Variants in CETP observed in about 807,000 individuals in gnomAD.
CETP encodes cholesteryl ester transfer protein.
Under a neutral mutation model 66.5 loss-of-function variants are expected in CETP, and 56 were observed. That is an observed-to-expected ratio of 0.84 (90% CI 0.68 to 1.05). The LOEUF is 1.05. CETP is among the 50% of genes least tolerant of loss of function. The pLI is 0.00. For synonymous variants in CETP, 251 were observed against 245.7 expected (o/e 1.02, Z -0.20); for missense variants, 612 against 609.6 (o/e 1.00, Z -0.04).
intron 8 of CETP, 85 bp downstream of exon 8, chr16:56,972,168 G>A (rs1263530182): frequency 3.0e-6 from 3 of 1,002,662 alleles, no homozygotes; most frequent in Non-Finnish European, 4.7e-6. Context: ...CCGTCCCCCA[G>A]CTTCAACCTT....
chr16:56,969,886 C>T (rs775075583), intron 4 of CETP, 28 bp from the exon 5 acceptor site: 2 of 1,610,298 alleles, frequency 1.2e-6, no homozygotes, highest in Non-Finnish European at 1.7e-6. Flanking sequence ...CGGAGGCTGC[C>T]CTGAGGTCAT....
chr16:56,969,396 A>G lies in CETP; in HGVS notation c.244A>G (p.Ser82Gly). The change falls in exon 3 of 16, where the codon AGC becomes GGC. Residue 82 changes from serine (S) to glycine (G), a missense_variant. By Grantham distance (56) the Ser-to-Gly change is moderately conservative. Transcript: ENST00000200676. The part of the protein sequence containing the change: ...VKYGLHNIQI[S>G]HLSIASSQVE... Reference sequence around the variant, plus strand: ...TCCATTCCTTCCCAGCATCCAGATCAGCCACTTGTCCATCGCCAGCAGCCA... The same window carrying G: ...TCCATTCCTTCCCAGCATCCAGATCGGCCACTTGTCCATCGCCAGCAGCCA... 1 of 1,613,994 alleles carries G rather than the reference A, an allele frequency of 6.2e-7. No individual in the cohort carries two copies. The highest frequency in any genetic ancestry group is 8.5e-7 in the Non-Finnish European group (1 of 1,180,026).
chr16:56,975,242 C>A, intron 10 of CETP, 91 bp downstream of exon 10: 2 of 1,057,376 alleles, frequency 1.9e-6, no homozygotes, highest in Non-Finnish European at 3.0e-6. Flanking sequence ...ATAACACCAC[C>A]AATGGCAACA....
rs1323326418 is a variant in CETP, at chr16:56,975,105, T to A, written c.935T>A (p.Val312Glu). Reference protein sequence around the residue: ...LSLMGDEFKAVLETWGFNTNQ... With the variant: ...LSLMGDEFKAELETWGFNTNQ... The stretch of plus-strand genomic sequence containing the variant: ...AACTTCCTCATTTCTTTTCAGGCAG[T>A]GCTGGAGACCTGGGGCTTCAACACC... The change falls in exon 10 of 16, where the codon GTG becomes GAG. Residue 312 changes from valine (V) to glutamate (E), a missense_variant. Coordinates refer to ENST00000200676, the MANE Select transcript of CETP (RefSeq NM_000078.3). 1.9e-6 allele frequency: 3 copies of A among 1,614,130 alleles called. No homozygotes were observed. The highest frequency in any genetic ancestry group is 3.3e-5 in the Admixed American group (2 of 60,022).
At chr16:56,970,970 A>G in intron 5 of CETP, 63 bp from the exon 6 acceptor site, 2 of 1,494,680 alleles carry the variant, frequency 1.3e-6, no homozygotes, top group Non-Finnish European at 1.9e-6. Flanking sequence ...CCTGGTACAC[A>G]CTAGGCGCTC....
chr16:56,973,924 G>A (rs948399955), intron 9 of CETP, among the ~76,000 whole-genome samples: 1 of 152,206 alleles, frequency 6.6e-6, no homozygotes, highest in Non-Finnish European at 1.5e-5. Context: ...GGGGCTGCAT[G>A]CACCGGTAAT....
intron 11 of CETP, among the ~76,000 whole-genome samples, chr16:56,980,510 C>T (rs12708984): frequency 0.019 from 2,856 of 152,266 alleles, 100 homozygotes; most frequent in African/African-American, 0.065. Flanking sequence ...TTTTGTATTA[C>T]TTTCCTTTTC....
chr16:56,978,549 T>C (rs2056166689), intron 11 of CETP, among the ~76,000 whole-genome samples: 2 of 151,850 alleles, frequency 1.3e-5, no homozygotes, highest in Non-Finnish European at 1.5e-5. Flanking sequence ...CTCACACTCA[T>C]AGCTCACTGC....
At chr16:56,968,305 C>G (rs1209931144) in intron 2 of CETP, among the ~76,000 whole-genome samples, 1 of 152,104 alleles carries the variant, frequency 6.6e-6, no homozygotes, top group Admixed American at 6.6e-5. Context: ...CCTGCCTTAG[C>G]CTCCAAACTA....
In CETP at chr16:56,974,288, TAA is replaced by T. The variant is rs545798416; in HGVS notation, c.930+779_930+780del. On this transcript the variant is annotated intron_variant, in intron 9 of 15. Coordinates refer to ENST00000200676, the MANE Select transcript of CETP (RefSeq NM_000078.3). ...ACCCCTGTCTCTACAAAAATAAAAA[TAA>T]GTTTAAAAATCAGCTGTGCACGGCG... 3.0e-3 allele frequency among the ~76,000 whole-genome samples: 463 copies of T among 152,224 alleles called. 1 individual carries two copies. Among genetic ancestry groups the T allele is most frequent in the Non-Finnish European group, 4.8e-3 (329 of 68,020 alleles).
intron 10 of CETP, among the ~76,000 whole-genome samples, chr16:56,977,075 A>AT (rs1196963615): frequency 1.3e-5 from 2 of 151,390 alleles, no homozygotes; most frequent in Non-Finnish European, 2.9e-5. Flanking sequence ...TGCCCAGCTC[A>AT]TTTTTTTGTA....
intron 2 of CETP, among the ~76,000 whole-genome samples, chr16:56,967,322 G>A (rs1315593902): frequency 6.6e-6 from 1 of 151,006 alleles, no homozygotes; most frequent in African/African-American, 2.4e-5. Flanking sequence ...TCCAGCCTGG[G>A]CAGCAAGAGC....
rs2056091055 is a variant in CETP at position 56,969,374 on chromosome 16, A to C, written c.234-12A>C. On this transcript the variant is annotated splice_polypyrimidine_tract_variant and intron_variant, in intron 2 of 15. Coordinates refer to ENST00000200676, the MANE Select transcript of CETP (RefSeq NM_000078.3). ...ACCCCCAACATCCTTCCTCACTTCC[A>C]TTCCTTCCCAGCATCCAGATCAGCC... 1 of 1,613,446 alleles carries C rather than the reference A, an allele frequency of 6.2e-7. No homozygotes were observed. Among genetic ancestry groups the C allele is most frequent in the Non-Finnish European group, 8.5e-7 (1 of 1,180,000 alleles).
intron 6 of CETP, 67 bp from the exon 7 acceptor site, chr16:56,971,254 A>G (rs2056107864): frequency 6.4e-7 from 1 of 1,568,756 alleles, no homozygotes; most frequent in African/African-American, 1.3e-5. Context: ...ACCACCACGC[A>G]GCTGGAAGGA....
At chr16:56,979,785 G>A (rs577470556) in intron 11 of CETP, among the ~76,000 whole-genome samples, 1 of 152,256 alleles carries the variant, frequency 6.6e-6, no homozygotes, top group South Asian at 2.1e-4. Flanking sequence ...GGGATTACAG[G>A]CATGAGCCAC....
chr16:56,967,068 C>T (rs1269342516), intron 2 of CETP, among the ~76,000 whole-genome samples: 1 of 151,958 alleles, frequency 6.6e-6, no homozygotes, highest in Non-Finnish European at 1.5e-5. Flanking sequence ...TGGTACGTGG[C>T]TGGGCGCAGT....
chr16:56,962,657 G>A (rs1181652262), intron 1 of CETP, among the ~76,000 whole-genome samples: 1 of 152,142 alleles, frequency 6.6e-6, no homozygotes, highest in Non-Finnish European at 1.5e-5. Context: ...CAGAATTATA[G>A]ACCCCCAGGA....
chr16:56,976,230 C>G (rs1241499004), intron 10 of CETP, among the ~76,000 whole-genome samples: 13 of 152,176 alleles, frequency 8.5e-5, no homozygotes, highest in Non-Finnish European at 1.8e-4. Context: ...CTGATACCCT[C>G]CAATAATCTG....
chr16:56,962,485 T>C, intron 1 of CETP: 1 of 443,212 alleles, frequency 2.3e-6, no homozygotes, highest in South Asian at 1.7e-5. Context: ...AAGTCAGGGG[T>C]TGCCATGAGC....
Sources: allele counts gnomAD v4.1 joint callset (sites outside exome capture counted in the v4.1 genomes callset), GRCh38; gene constraint gnomAD v4.1.1; transcripts MANE v1.5; gene names NCBI Gene and HGNC (gene_info 2026-07-23, HGNC 2026-07-21).